CTNNA3: variants seen among roughly 807,000 people sequenced by gnomAD.
CTNNA3 encodes catenin alpha-3.
CTNNA3 carries 76 observed loss-of-function variants against 95.7 expected under a neutral mutation model. The ratio of observed to expected loss-of-function variants is 0.79; its 90% confidence interval spans 0.66 to 0.96. The LOEUF (loss-of-function observed/expected upper bound fraction) is 0.96, where lower values mean the gene tolerates loss of function less well. Among genes scored for constraint, CTNNA3 ranks in the 40% least tolerant of loss-of-function variants. The pLI is 0.00. For synonymous variants in CTNNA3, 431 were observed against 374.4 expected (o/e 1.15, Z -1.74); for missense variants, 1,191 against 1,089.8 (o/e 1.09, Z -1.31).
intron 10 of CTNNA3, among the ~76,000 whole-genome samples, chr10:66,583,147 G>A (rs1239981781): frequency 2.6e-5 from 4 of 151,610 alleles, no homozygotes; most frequent in African/African-American, 7.3e-5. Flanking sequence ...GTGATACTGG[G>A]CTTGTAGAAT....
chr10:66,491,702 AG>A (rs1189345061), intron 11 of CTNNA3, among the ~76,000 whole-genome samples: 1 of 152,206 alleles, frequency 6.6e-6, no homozygotes, highest in Non-Finnish European at 1.5e-5. Context: ...GAATTAAAAT[AG>A]GATTTCAAAA....
intron 5 of CTNNA3, among the ~76,000 whole-genome samples, chr10:67,453,008 T>G (rs1024093007): frequency 1.3e-5 from 2 of 152,188 alleles, no homozygotes; most frequent in African/African-American, 4.8e-5. Flanking sequence ...TGGCTGGCAG[T>G]GTGTTACTTT....
chr10:66,653,645 A>G (rs757445758), intron 9 of CTNNA3, among the ~76,000 whole-genome samples: 5 of 152,142 alleles, frequency 3.3e-5, no homozygotes, highest in Non-Finnish European at 5.9e-5. Flanking sequence ...GAATAGCCAA[A>G]GCAATCTTGA....
intron 12 of CTNNA3, among the ~76,000 whole-genome samples, chr10:66,285,389 G>A (rs2091567337): frequency 6.6e-6 from 1 of 151,660 alleles, no homozygotes; most frequent in Non-Finnish European, 1.5e-5. Context: ...TTCTTTCCCT[G>A]TAGCTTAATT....
At chr10:67,223,884 G>A (rs1864770496) in intron 5 of CTNNA3, among the ~76,000 whole-genome samples, 1 of 152,208 alleles carries the variant, frequency 6.6e-6, no homozygotes. Flanking sequence ...ATAGAGGACA[G>A]TCTCTCAGTT....
intron 9 of CTNNA3, among the ~76,000 whole-genome samples, chr10:66,757,111 G>T (rs766120625): frequency 6.6e-6 from 1 of 152,126 alleles, no homozygotes; most frequent in African/African-American, 2.4e-5. Flanking sequence ...GACTGGGGAC[G>T]AGTAGAGGCC....
At chr10:66,713,726 A>G (rs1370756766) in intron 9 of CTNNA3, among the ~76,000 whole-genome samples, 3 of 152,088 alleles carry the variant, frequency 2.0e-5, no homozygotes, top group Non-Finnish European at 4.4e-5. Flanking sequence ...CTCGAATCAT[A>G]TCTGAATCAG....
chr10:66,434,089 T>C (rs1421304625), intron 11 of CTNNA3, among the ~76,000 whole-genome samples: 1 of 152,216 alleles, frequency 6.6e-6, no homozygotes, highest in African/African-American at 2.4e-5. Flanking sequence ...TGCCTCCAGC[T>C]TTGTTCTTTT....
chr10:67,144,579 C>T (rs1252761115), intron 7 of CTNNA3, among the ~76,000 whole-genome samples: 1 of 152,194 alleles, frequency 6.6e-6, no homozygotes, highest in Non-Finnish European at 1.5e-5. Context: ...TTACCCTACA[C>T]TTTTATGTTA....
At chr10:66,366,343 T>G (rs1463362080) in intron 12 of CTNNA3, among the ~76,000 whole-genome samples, 1 of 152,186 alleles carries the variant, frequency 6.6e-6, no homozygotes, top group Non-Finnish European at 1.5e-5. Flanking sequence ...TGGAAAGTTC[T>G]CTGAGAAAAA....
intron 1 of CTNNA3, among the ~76,000 whole-genome samples, chr10:67,695,420 T>A (rs960617843): frequency 6.6e-6 from 1 of 152,182 alleles, no homozygotes; most frequent in African/African-American, 2.4e-5. Flanking sequence ...TTACATCTCA[T>A]GATCATTCCA....
At chr10:67,110,231 G>A (rs1350238810) in intron 7 of CTNNA3, among the ~76,000 whole-genome samples, 1 of 152,098 alleles carries the variant, frequency 6.6e-6, no homozygotes, top group Non-Finnish European at 1.5e-5. Flanking sequence ...ATTTTTATAT[G>A]TGTAGAGTCT....
intron 10 of CTNNA3, among the ~76,000 whole-genome samples, chr10:66,607,495 A>AAAC (rs1217667495): frequency 6.0e-5 from 9 of 150,010 alleles, no homozygotes; most frequent in African/African-American, 2.2e-4. Context: ...AAAAAAAAAA[A>AAAC]AGCAAGAAAG....
At chr10:66,198,446 C>G (rs2087105239) in intron 13 of CTNNA3, among the ~76,000 whole-genome samples, 1 of 151,816 alleles carries the variant, frequency 6.6e-6, no homozygotes, top group Non-Finnish European at 1.5e-5. Context: ...CAAAACCAGA[C>G]AAGAAGAAAA....
chr10:66,908,603 T>G (rs1589408806), intron 7 of CTNNA3, among the ~76,000 whole-genome samples: 1 of 152,272 alleles, frequency 6.6e-6, no homozygotes, highest in South Asian at 2.1e-4. Context: ...ACCATCTCTA[T>G]CGAGCATAAA....
intron 17 of CTNNA3, among the ~76,000 whole-genome samples, chr10:65,953,762 C>T (rs916073846): frequency 6.6e-6 from 1 of 152,220 alleles, no homozygotes; most frequent in African/African-American, 2.4e-5. Context: ...ATATGTGCCA[C>T]ATTTTCTTAA....
chr10:67,525,090 T>G (rs1840101787), intron 4 of CTNNA3, among the ~76,000 whole-genome samples: 1 of 152,172 alleles, frequency 6.6e-6, no homozygotes, highest in African/African-American at 2.4e-5. Context: ...TTATTCATAG[T>G]TTTGAGTGGG....
At chr10:66,154,641 A>T (rs2084384126) in intron 13 of CTNNA3, among the ~76,000 whole-genome samples, 1 of 147,614 alleles carries the variant, frequency 6.8e-6, no homozygotes, top group African/African-American at 2.5e-5. Flanking sequence ...GGCAAGTGAT[A>T]GTATATTTCG....
intron 5 of CTNNA3, among the ~76,000 whole-genome samples, chr10:67,481,314 C>A (rs1363311846): frequency 6.6e-6 from 1 of 151,934 alleles, no homozygotes; most frequent in African/African-American, 2.4e-5. Flanking sequence ...AATGCATCCA[C>A]ATAGGAAAAA....
Sources: allele counts gnomAD v4.1 joint callset (sites outside exome capture counted in the v4.1 genomes callset), GRCh38; gene constraint gnomAD v4.1.1; transcripts MANE v1.5; gene names NCBI Gene and HGNC (gene_info 2026-07-23, HGNC 2026-07-21).